PCCA: variants seen among roughly 807,000 people sequenced by gnomAD.
The protein encoded by PCCA is propionyl-CoA carboxylase alpha chain, mitochondrial.
A neutral mutation model predicts 101.3 loss-of-function variants in PCCA; 74 were observed. The observed-to-expected ratio is 0.73, with a 90% CI of 0.61 to 0.89. The LOEUF (loss-of-function observed/expected upper bound fraction) is 0.89, where lower values mean the gene tolerates loss of function less well. Among genes scored for constraint, PCCA ranks in the 40% least tolerant of loss-of-function variants. The pLI, the probability that PCCA is intolerant of heterozygous loss-of-function variation, is 0.00. For synonymous variants in PCCA, 294 were observed against 313.6 expected, an observed-to-expected ratio of 0.94 and a Z score of 0.66; for missense variants, 891 against 907.0, an observed-to-expected ratio of 0.98 and a Z score of 0.23.
At chr13:100,510,656 TC>T (rs1400980234) in intron 21 of PCCA, among the ~76,000 whole-genome samples, 2 of 152,234 alleles carry the variant, frequency 1.3e-5, no homozygotes, top group Admixed American at 6.5e-5. Flanking sequence ...GCCTGTTGCA[TC>T]TTTTCTAATT....
chr13:100,119,421 G>A (rs2049143955), intron 4 of PCCA, among the ~76,000 whole-genome samples: 1 of 151,934 alleles, frequency 6.6e-6, no homozygotes, highest in Non-Finnish European at 1.5e-5. Flanking sequence ...TAGGATAGGT[G>A]GTATATTTGT....
intron 12 of PCCA, among the ~76,000 whole-genome samples, chr13:100,275,322 G>A (rs1422039157): frequency 1.3e-5 from 2 of 152,118 alleles, no homozygotes; most frequent in Admixed American, 6.5e-5. Flanking sequence ...TCGCTGTGCC[G>A]TGGCGGTAGA....
At chr13:100,166,330 TG>T (rs2152405337) in intron 6 of PCCA, among the ~76,000 whole-genome samples, 1 of 152,314 alleles carries the variant, frequency 6.6e-6, no homozygotes, top group Non-Finnish European at 1.5e-5. Flanking sequence ...TGTTTTGTTT[TG>T]GAGACAGAGT....
chr13:100,269,844 A>G (rs969380252), intron 11 of PCCA, among the ~76,000 whole-genome samples: 3 of 152,222 alleles, frequency 2.0e-5, no homozygotes, highest in Non-Finnish European at 4.4e-5. Flanking sequence ...AAAATATGGC[A>G]TGGTGTTATT....
chr13:100,421,789 A>G (rs1156782165), intron 19 of PCCA, among the ~76,000 whole-genome samples: 2 of 151,930 alleles, frequency 1.3e-5, no homozygotes, highest in Admixed American at 1.3e-4. Context: ...GGTTCAAGCG[A>G]TTCTCCTGCC....
At chr13:100,134,445 G>T (rs1318501461) in intron 4 of PCCA, among the ~76,000 whole-genome samples, 1 of 152,138 alleles carries the variant, frequency 6.6e-6, no homozygotes, top group Non-Finnish European at 1.5e-5. Flanking sequence ...CTGAGATTTT[G>T]ATTAGAATTT....
At chr13:100,442,545 A>G (rs2080453442) in intron 20 of PCCA, among the ~76,000 whole-genome samples, 1 of 152,218 alleles carries the variant, frequency 6.6e-6, no homozygotes, top group South Asian at 2.1e-4. Context: ...GTGTCAGCCA[A>G]AGGAATGATA....
At chr13:100,338,219 T>A (rs1456250256) in intron 17 of PCCA, among the ~76,000 whole-genome samples, 8 of 152,216 alleles carry the variant, frequency 5.3e-5, no homozygotes, top group Admixed American at 5.2e-4. Context: ...CACTGGTTCT[T>A]TTTACACTCC....
chr13:100,167,220 A>T (rs1566621219), intron 6 of PCCA, among the ~76,000 whole-genome samples: 1 of 151,444 alleles, frequency 6.6e-6, no homozygotes, highest in East Asian at 1.9e-4. Flanking sequence ...CAGGTTATTA[A>T]TTTTTTTTTC....
chr13:100,521,455 G>A (rs1342023382), intron 22 of PCCA, among the ~76,000 whole-genome samples: 2 of 152,214 alleles, frequency 1.3e-5, no homozygotes, highest in African/African-American at 4.8e-5. Flanking sequence ...CGCCTGGTCT[G>A]TCTTTGTAAT....
intron 4 of PCCA, among the ~76,000 whole-genome samples, chr13:100,152,742 G>A (rs1341459657): frequency 3.9e-5 from 6 of 152,090 alleles, no homozygotes; most frequent in Non-Finnish European, 1.5e-5. Flanking sequence ...CACCGCGCCC[G>A]GCCTAGTTCT....
chr13:100,391,174 C>A (rs377353327), intron 19 of PCCA, among the ~76,000 whole-genome samples: 2 of 152,138 alleles, frequency 1.3e-5, no homozygotes, highest in Non-Finnish European at 2.9e-5. Flanking sequence ...CACGCCACCA[C>A]GCCCAGCTAA....
intron 12 of PCCA, among the ~76,000 whole-genome samples, chr13:100,294,935 C>T (rs1025300375): frequency 6.6e-6 from 1 of 152,062 alleles, no homozygotes; most frequent in Non-Finnish European, 1.5e-5. Context: ...GCCCTGCAGT[C>T]CAACTCTTTT....
chr13:100,227,088 C>G (rs888232107), intron 7 of PCCA, among the ~76,000 whole-genome samples: 3 of 152,178 alleles, frequency 2.0e-5, no homozygotes, highest in Non-Finnish European at 4.4e-5. Context: ...ACTGCAACCT[C>G]CGCCTCCTGA....
At chr13:100,332,396 C>G (rs1428774757) in intron 17 of PCCA, among the ~76,000 whole-genome samples, 1 of 152,018 alleles carries the variant, frequency 6.6e-6, no homozygotes, top group Non-Finnish European at 1.5e-5. Flanking sequence ...TTATGTCTGC[C>G]TGGCAATTCA....
At chr13:100,472,704 C>A (rs1330838469) in intron 21 of PCCA, among the ~76,000 whole-genome samples, 1 of 151,742 alleles carries the variant, frequency 6.6e-6, no homozygotes, top group Non-Finnish European at 1.5e-5. Flanking sequence ...GGTATCTGGC[C>A]CTGGGATGTT....
At chr13:100,453,910 G>A (rs372829406) in intron 21 of PCCA, among the ~76,000 whole-genome samples, 3 of 152,164 alleles carry the variant, frequency 2.0e-5, no homozygotes, top group Non-Finnish European at 4.4e-5. Context: ...AGTTGCCCAG[G>A]CTGGAGTGCA....
chr13:100,305,830 A>G (rs777415883), intron 14 of PCCA: 1 of 452,428 alleles, frequency 2.2e-6, no homozygotes, highest in Non-Finnish European at 4.5e-6. Flanking sequence ...AGCCAAGTAT[A>G]TTTCGTAAGT....
chr13:100,440,015 AGGTCTTTGATATTCAGCTAAGT>A (rs1320983393), intron 20 of PCCA, among the ~76,000 whole-genome samples: 2 of 151,966 alleles, frequency 1.3e-5, no homozygotes, highest in East Asian at 3.9e-4. Flanking sequence ...TATATTGAAT[AGGTCTTTGATATTCAGCTAAGT>A]GGAACTAATT....
Sources: gnomAD v4.1 joint callset for allele counts (sites outside exome capture counted in the v4.1 genomes callset) on GRCh38, gnomAD v4.1.1 for gene constraint, MANE v1.5 for transcripts, NCBI Gene and HGNC (gene_info 2026-07-23, HGNC 2026-07-21) for gene names.